The following ULK4 variants were observed in gnomAD, a reference collection of about 807,000 sequenced individuals.
The protein encoded by ULK4 is inactive serine/threonine-protein kinase ULK4.
A neutral mutation model predicts 160.6 loss-of-function variants in ULK4; 133 were observed. The ratio of observed to expected loss-of-function variants is 0.83; its 90% CI spans 0.72 to 0.96. ULK4 has a LOEUF of 0.96. ULK4 is among the 40% of genes least tolerant of loss of function. The pLI, the probability that ULK4 is intolerant of heterozygous loss-of-function variation, is 0.00. For synonymous variants in ULK4, 534 were observed against 539.8 expected (o/e 0.99, Z 0.15); for missense variants, 1,580 against 1,499.5 (o/e 1.05, Z -0.89).
At chr3:41,254,842 C>T (rs1332187205) in intron 35 of ULK4, among the ~76,000 whole-genome samples, 1 of 150,470 alleles carries the variant, frequency 6.6e-6, no homozygotes, top group African/African-American at 2.5e-5. Flanking sequence ...GAGATCATGC[C>T]ACTGCACTCC....
chr3:41,823,905 A>G (rs6805880), intron 18 of ULK4, among the ~76,000 whole-genome samples: 38,688 of 151,992 alleles, frequency 0.25, 6,106 homozygotes, highest in African/African-American at 0.45. Flanking sequence ...GCTCACGCCT[A>G]TAATCTCAAT....
chr3:41,259,469 G>C (rs1266195729), intron 35 of ULK4, among the ~76,000 whole-genome samples: 1 of 152,196 alleles, frequency 6.6e-6, no homozygotes, highest in East Asian at 1.9e-4. Flanking sequence ...TGTGAGAACA[G>C]AGAAAACAAT....
At position 41,588,814 on chromosome 3, in the gene ULK4, T is replaced by G. The variant is rs1036624706; in HGVS notation, c.3121-22684A>C. Among the ~76,000 whole-genome samples the G allele has an allele frequency of 2.0e-5, 3 of 152,312 alleles. No homozygotes were observed. In the South Asian group the frequency reaches 6.2e-4, roughly 32 times the overall value. On this transcript the variant is annotated intron_variant, in intron 31 of 36. Coordinates refer to ENST00000301831, the MANE Select transcript of ULK4 (RefSeq NM_017886.4). ...AAATTTAGGTATGACAGTCATATAT[T>G]TTAAGCCATGGTAATAAAGAAAACA...
chr3:41,752,656 T>C (rs2125895974), intron 22 of ULK4, among the ~76,000 whole-genome samples: 1 of 152,340 alleles, frequency 6.6e-6, no homozygotes, highest in South Asian at 2.1e-4. Context: ...AAATCATATG[T>C]TCATGAGTTG....
chr3:41,542,353 G>A (rs6797833), intron 32 of ULK4, among the ~76,000 whole-genome samples: 77,743 of 152,024 alleles, frequency 0.51, 19,992 homozygotes, highest in Middle Eastern at 0.57. Flanking sequence ...TGTTGAACCA[G>A]CCTTGCATCC....
intron 32 of ULK4, among the ~76,000 whole-genome samples, chr3:41,506,193 C>G (rs1324791065): frequency 6.6e-6 from 1 of 152,118 alleles, no homozygotes; most frequent in African/African-American, 2.4e-5. Flanking sequence ...CTTTATTCTA[C>G]TCTGCTAGCA....
At chr3:41,574,978 G>T (rs2088137063) in intron 31 of ULK4, among the ~76,000 whole-genome samples, 2 of 152,258 alleles carry the variant, frequency 1.3e-5, no homozygotes, top group South Asian at 2.1e-4. Flanking sequence ...CCCAGTTTCT[G>T]TCCACAGCCC....
At chr3:41,774,883 C>T (rs1462158578) in intron 21 of ULK4, among the ~76,000 whole-genome samples, 2 of 150,408 alleles carry the variant, frequency 1.3e-5, no homozygotes, top group Admixed American at 1.3e-4. Context: ...CCATGGAATA[C>T]TATGCAGCCA....
chr3:41,493,524 A>C (rs1281974360), intron 32 of ULK4, among the ~76,000 whole-genome samples: 2 of 121,956 alleles, frequency 1.6e-5, no homozygotes, highest in African/African-American at 6.3e-5. Flanking sequence ...AAGAACTAGA[A>C]AAGCAAGAGC....
At chr3:41,699,348 T>C (rs1280904553) in intron 27 of ULK4, among the ~76,000 whole-genome samples, 2 of 152,216 alleles carry the variant, frequency 1.3e-5, no homozygotes, top group Non-Finnish European at 2.9e-5. Flanking sequence ...AAAGGATAGG[T>C]TTTTCGTTAA....
intron 35 of ULK4, chr3:41,277,916 T>G (rs1294917429): frequency 6.6e-6 from 1 of 152,290 alleles, no homozygotes; most frequent in African/African-American, 2.4e-5. Context: ...CATTTCCAAC[T>G]GAGGTACCTG....
At chr3:41,269,732 T>C (rs1267429227) in intron 35 of ULK4, among the ~76,000 whole-genome samples, 1 of 152,234 alleles carries the variant, frequency 6.6e-6, no homozygotes, top group Admixed American at 6.5e-5. Flanking sequence ...ACAATCTCAA[T>C]AGTACAAACT....
chr3:41,266,963 T>C (rs2079045624), intron 35 of ULK4, among the ~76,000 whole-genome samples: 1 of 141,580 alleles, frequency 7.1e-6, no homozygotes, highest in Non-Finnish European at 1.5e-5. Flanking sequence ...TATAACCCTC[T>C]TGCCAGCTAC....
intron 31 of ULK4, among the ~76,000 whole-genome samples, chr3:41,588,320 C>G (rs1054663263): frequency 1.4e-4 from 21 of 152,304 alleles, no homozygotes; most frequent in Admixed American, 1.3e-4. Context: ...TACTTGCATA[C>G]AAACTTGCCT....
intron 18 of ULK4, among the ~76,000 whole-genome samples, chr3:41,824,437 G>A (rs575019621): frequency 6.6e-5 from 10 of 152,210 alleles, no homozygotes; most frequent in South Asian, 6.2e-4. Context: ...GGTGACAGAC[G>A]GCACCTGGAA....
At chr3:41,925,841 A>T (rs1247739754) in intron 5 of ULK4, among the ~76,000 whole-genome samples, 1 of 152,146 alleles carries the variant, frequency 6.6e-6, no homozygotes, top group East Asian at 1.9e-4. Context: ...AAAAGGCAGC[A>T]GCCCCAGTCA....
intron 35 of ULK4, among the ~76,000 whole-genome samples, chr3:41,334,009 G>A (rs2080500956): frequency 6.6e-6 from 1 of 152,058 alleles, no homozygotes; most frequent in South Asian, 2.1e-4. Flanking sequence ...ATCTTGAGAG[G>A]AGAATAAAAG....
rs1408565062 is a variant in ULK4, at chr3:41,732,732, TGAA to T, written c.2322-14874_2322-14872del. 3.3e-5 allele frequency among the ~76,000 whole-genome samples: 5 copies of T among 152,040 alleles called. No individual in the cohort carries two copies. The East Asian group carries it at 9.6e-4, about 29-fold the overall frequency. Reference sequence around the variant, plus strand: ...CGGAATCAACCTACGTGTCCATCAATGAATGGATAAAGAAAATAAAGAAAATGT... The same window carrying T: ...CGGAATCAACCTACGTGTCCATCAATTGGATAAAGAAAATAAAGAAAATGT... On this transcript the variant is annotated intron_variant, in intron 22 of 36. Transcript: ENST00000301831.
intron 31 of ULK4, among the ~76,000 whole-genome samples, chr3:41,602,334 GA>G (rs2032142296): frequency 6.8e-6 from 1 of 147,048 alleles, no homozygotes; most frequent in East Asian, 2.0e-4. Context: ...GAAGGGAAAG[GA>G]AAGGAGGAAG....
Sources: gnomAD v4.1 joint callset for allele counts (sites outside exome capture counted in the v4.1 genomes callset) on GRCh38, gnomAD v4.1.1 for gene constraint, MANE v1.5 for transcripts, NCBI Gene and HGNC (gene_info 2026-07-23, HGNC 2026-07-21) for gene names.